PRDM11: variants seen among roughly 807,000 people sequenced by gnomAD.
The protein encoded by PRDM11 is PR domain-containing protein 11.
PRDM11 carries 20 observed loss-of-function variants against 97.8 expected under a neutral mutation model. The observed-to-expected ratio is 0.20, with a 90% CI of 0.14 to 0.30. PRDM11 has a LOEUF of 0.30. PRDM11 is among the 10% of genes least tolerant of loss of function. PRDM11 has a pLI of 1.00. For synonymous variants in PRDM11, 599 were observed against 637.7 expected (o/e 0.94, Z 0.91); for missense variants, 1,139 against 1,555.2 (o/e 0.73, Z 4.50).
intron 4 of PRDM11, among the ~76,000 whole-genome samples, chr11:45,201,958 C>G (rs12284779): frequency 2.6e-5 from 4 of 151,606 alleles, no homozygotes; most frequent in Admixed American, 2.6e-4. Flanking sequence ...GGTGATGGAG[C>G]GAGACTCTGT....
chr11:45,117,428 T>C (rs956201538), intron 1 of PRDM11, among the ~76,000 whole-genome samples: 1 of 152,146 alleles, frequency 6.6e-6, no homozygotes, highest in African/African-American at 2.4e-5. Flanking sequence ...TTCCAAATAA[T>C]TTATTTAAAG....
intron 4 of PRDM11, among the ~76,000 whole-genome samples, chr11:45,184,427 T>A (rs1457091680): frequency 6.6e-6 from 1 of 152,176 alleles, no homozygotes; most frequent in Admixed American, 6.5e-5. Flanking sequence ...CCCACACCCC[T>A]TTCCCCAGGT....
intron 5 of PRDM11, among the ~76,000 whole-genome samples, chr11:45,211,817 A>G (rs1853747216): frequency 6.6e-6 from 1 of 152,066 alleles, no homozygotes; most frequent in African/African-American, 2.4e-5. Context: ...TGGGTGCACC[A>G]AAATCTCACA....
chr11:45,162,965 G>A (rs1851966608), intron 1 of PRDM11, among the ~76,000 whole-genome samples: 1 of 152,234 alleles, frequency 6.6e-6, no homozygotes, highest in South Asian at 2.1e-4. Context: ...GTCCAGTGTG[G>A]TGATATTTGG....
In PRDM11 at chr11:45,230,094, T is replaced by C. The variant is rs1452860582; in HGVS notation, c.*1935T>C. On this transcript the variant is annotated 3_prime_UTR_variant, in exon 8 of 8. Transcript: ENST00000683152. ...GCTAAGATAACTTTAGAATCATTGC[T>C]GCTAGTCAATAGCTTTTCATTATAT... 2 of 151,472 alleles carry C rather than the reference T, an allele frequency of 1.3e-5. No individual in the cohort carries two copies. Among genetic ancestry groups the C allele is most frequent in the African/African-American group, 2.4e-5 (1 of 41,278 alleles). The allele number at this position is 151,472 out of a possible 1,614,324, so 9.4% of individuals were successfully genotyped here.
chr11:45,096,769 C>T (rs530043517), intron 1 of PRDM11, among the ~76,000 whole-genome samples: 117 of 152,300 alleles, frequency 7.7e-4, no homozygotes, highest in Non-Finnish European at 1.2e-3. Context: ...CACTGGGTAG[C>T]GTGAACAGAA....
chr11:45,157,384 A>G (rs1157297303), intron 1 of PRDM11, among the ~76,000 whole-genome samples: 1 of 152,104 alleles, frequency 6.6e-6, no homozygotes, highest in Non-Finnish European at 1.5e-5. Context: ...GCGTCCTATG[A>G]TAATCTAGTG....
rs535546924 is a variant in PRDM11, at chr11:45,227,921, G to A, written c.3296G>A (p.Arg1099His). The A allele has an allele frequency of 3.2e-4, 484 of 1,533,740 alleles. No individual in the cohort carries two copies. The highest frequency in any genetic ancestry group is 3.9e-4 in the Non-Finnish European group (449 of 1,146,724). ...GGCCGCAATGCCCTCCAGCGAGTTC[G>A]CAAAAACCACCGCTCCCGCCTGACC... is the stretch of plus-strand genomic sequence containing the variant. The part of the protein sequence containing the change: ...EKGRNALQRV[R>H]KNHRSRLTLE... The change falls in exon 8 of 8, where the codon CGC becomes CAC. Residue 1099 changes from arginine to histidine, a missense_variant. This residue lies in a region of PRDM11 where 710 missense variants were observed against 1,044.9 expected (regional missense o/e 0.68). Transcript: ENST00000683152. This position sits in a 1 kb window ranked among gnomAD's most constrained non-coding sequence, Gnocchi z 8.0.
At position 45,219,392 on chromosome 11, in the gene PRDM11, G is replaced by A. The variant is rs1162182020; in HGVS notation, c.555-178G>A. ...CCACAACACGGTGACGTTGGGACAG[G>A]GATGGGTTCTGGCTGGTGCTGCTTC... On this transcript the variant is annotated intron_variant, in intron 5 of 7. Transcript: ENST00000683152. This position sits in a 1 kb window ranked among gnomAD's most constrained non-coding sequence, Gnocchi z 4.2. 2.0e-5 allele frequency among the ~76,000 whole-genome samples: 3 copies of A among 152,190 alleles called. No homozygotes were observed. The highest frequency in any genetic ancestry group is 4.4e-5 in the Non-Finnish European group (3 of 68,040).
intron 4 of PRDM11, among the ~76,000 whole-genome samples, chr11:45,187,678 C>T (rs949005106): frequency 6.6e-6 from 1 of 152,114 alleles, no homozygotes; most frequent in African/African-American, 2.4e-5. Flanking sequence ...CAGATGGGCA[C>T]AGGGAGGCAG....
rs1228395286 is a variant in PRDM11 at position 45,230,516 on chromosome 11, C to T, written c.*2357C>T. The T allele has an allele frequency of 1.3e-5, 2 of 152,288 alleles. No individual in the cohort carries two copies. The highest frequency in any genetic ancestry group is 4.8e-5 in the African/African-American group (2 of 41,470). The allele number at this position is 152,288 out of a possible 1,614,324, so 9.4% of individuals were successfully genotyped here. The stretch of plus-strand genomic sequence containing the variant: ...GGTCAAATGGGATGCTGTTGCAAAG[C>T]ACCAGGTCCCACCTGGCCCAGCCCC... On this transcript the variant is annotated 3_prime_UTR_variant, in exon 8 of 8. Coordinates refer to ENST00000683152, the MANE Select transcript of PRDM11 (RefSeq NM_001384648.1).
intron 5 of PRDM11, chr11:45,215,821 C>T (rs965987290): frequency 6.6e-6 from 1 of 152,250 alleles, no homozygotes; most frequent in Non-Finnish European, 1.5e-5. Context: ...AGAGCCCAGC[C>T]TCTTCTCAGT....
chr11:45,219,662 G>A lies in PRDM11; in HGVS notation c.647G>A (p.Arg216Gln), dbSNP rs758925048. 10 of 1,614,106 alleles carry A rather than the reference G, an allele frequency of 6.2e-6. No homozygotes were observed. Among genetic ancestry groups the A allele is most frequent in the Middle Eastern group, 1.6e-4 (1 of 6,062 alleles). ...TACTTCCGGGCGTGCAGGGACATCCGGCCTGGGGAGTGGCTGCGGGTCTGG... is the reference window on the plus strand; with the variant it reads ...TACTTCCGGGCGTGCAGGGACATCCAGCCTGGGGAGTGGCTGCGGGTCTGG... ...RIYFRACRDI[R>Q]PGEWLRVWYS... Residue 216 changes from arginine (R) to glutamine (Q), a missense_variant, in exon 6 of 8, where the codon CGG becomes CAG. By Grantham distance (43) the Arg-to-Gln change is conservative (BLOSUM62 1). Transcript: ENST00000683152. This position sits in a 1 kb window ranked among gnomAD's most constrained non-coding sequence, Gnocchi z 4.2.
chr11:45,134,713 A>AAAAAAAAAAAAAAAC (rs1852798631), intron 1 of PRDM11, among the ~76,000 whole-genome samples: 1 of 147,930 alleles, frequency 6.8e-6, no homozygotes, highest in African/African-American at 2.5e-5. Context: ...AAAAAAAAAA[A>AAAAAAAAAAAAAAAC]AAAAAAAAAA....
At chr11:45,195,511 T>C (rs1475686370) in intron 4 of PRDM11, among the ~76,000 whole-genome samples, 1 of 152,178 alleles carries the variant, frequency 6.6e-6, no homozygotes, top group African/African-American at 2.4e-5. Context: ...TCACTTCGCT[T>C]CATGTTTTCA....
chr11:45,096,871 G>A (rs1468325054), intron 1 of PRDM11, among the ~76,000 whole-genome samples: 1 of 152,210 alleles, frequency 6.6e-6, no homozygotes, highest in African/African-American at 2.4e-5. Context: ...TGCCAGGCCT[G>A]TTTCAGGAAC....
intron 1 of PRDM11, among the ~76,000 whole-genome samples, chr11:45,111,370 C>A (rs1852175566): frequency 6.7e-6 from 1 of 149,348 alleles, no homozygotes; most frequent in Non-Finnish European, 1.5e-5. Context: ...TGCTTCGGAC[C>A]AACGAACCCA....
intron 5 of PRDM11, among the ~76,000 whole-genome samples, chr11:45,206,072 C>T (rs573740791): frequency 3.3e-5 from 5 of 152,310 alleles, no homozygotes; most frequent in Admixed American, 1.3e-4. Flanking sequence ...ACTGCCTTCT[C>T]TTCTCACTGC....
chr11:45,110,937 C>T (rs1321261899), intron 1 of PRDM11, among the ~76,000 whole-genome samples: 1 of 151,988 alleles, frequency 6.6e-6, no homozygotes, highest in African/African-American at 2.4e-5. Context: ...CCCCCCTTAC[C>T]CCCCTTTTTT....
Sources: allele counts gnomAD v4.1 joint callset (sites outside exome capture counted in the v4.1 genomes callset), GRCh38; gene constraint gnomAD v4.1.1; regional missense constraint gnomAD v4.1.1; non-coding constraint Gnocchi (gnomAD v3.1); transcripts MANE v1.5; gene names NCBI Gene and HGNC (gene_info 2026-07-23, HGNC 2026-07-21).